Variants in APBA1 observed in about 807,000 individuals in gnomAD.
APBA1 encodes amyloid-beta A4 precursor protein-binding family A member 1.
APBA1 carries 55 observed loss-of-function variants against 86.6 expected under a neutral mutation model. The ratio of observed to expected loss-of-function variants is 0.64; its 90% CI spans 0.51 to 0.80. The LOEUF (loss-of-function observed/expected upper bound fraction) is 0.80. Ranked by LOEUF, APBA1 falls within the 30% of genes least tolerant of loss-of-function variation. The pLI, the probability that APBA1 is intolerant of heterozygous loss-of-function variation, is 0.00. For missense variants in APBA1, 1,090 were observed against 1,183.0 expected (o/e 0.92, Z 1.15); for synonymous variants, 511 against 493.9 (o/e 1.03, Z -0.46).
chr9:69,652,328 T>A (rs574719778), intron 1 of APBA1, among the ~76,000 whole-genome samples: 39 of 152,262 alleles, frequency 2.6e-4, no homozygotes, highest in African/African-American at 8.7e-4. Flanking sequence ...TATCTGACTC[T>A]CGCTGGGAGA....
chr9:69,636,951 G>T (rs1021550350), intron 1 of APBA1, among the ~76,000 whole-genome samples: 86 of 149,542 alleles, frequency 5.8e-4, no homozygotes, highest in African/African-American at 2.0e-3. Context: ...AAGAAAGAAA[G>T]AAAGAAAGAA....
chr9:69,625,154 A>G (rs1361900182), intron 1 of APBA1, among the ~76,000 whole-genome samples: 2 of 152,166 alleles, frequency 1.3e-5, no homozygotes, highest in Non-Finnish European at 2.9e-5. Flanking sequence ...ATTGGCCACA[A>G]AAGCCTGTAC....
In APBA1 at chr9:69,467,816, T is replaced by A; in HGVS notation, c.1482+7A>T. ...CTGTCCCTGTTGGAGCACCCAGATG[T>A]CCTCACCTTGATCCTGCTTACGGCT... On this transcript the variant is annotated splice_region_variant and intron_variant, in intron 5 of 12. Coordinates refer to ENST00000265381, the MANE Select transcript of APBA1 (RefSeq NM_001163.4). 1 of 1,614,172 alleles carries A rather than the reference T, an allele frequency of 6.2e-7. No homozygotes were observed. Among genetic ancestry groups the A allele is most frequent in the Non-Finnish European group, 8.5e-7 (1 of 1,180,002 alleles).
At chr9:69,524,087 G>A (rs1037647864) in intron 1 of APBA1, among the ~76,000 whole-genome samples, 24 of 152,140 alleles carry the variant, frequency 1.6e-4, no homozygotes, top group Non-Finnish European at 1.5e-4. Context: ...CAAAAGCAGT[G>A]TTAAAAGGAG....
At chr9:69,603,003 T>G (rs1181356004) in intron 1 of APBA1, among the ~76,000 whole-genome samples, 1 of 152,238 alleles carries the variant, frequency 6.6e-6, no homozygotes, top group Admixed American at 6.5e-5. Flanking sequence ...TTTTCCCCTT[T>G]CTTTCCTTCT....
intron 1 of APBA1, among the ~76,000 whole-genome samples, chr9:69,606,977 C>T (rs1822489270): frequency 6.6e-6 from 1 of 152,080 alleles, no homozygotes; most frequent in South Asian, 2.1e-4. Context: ...ATCATATTGT[C>T]CCATTTATTT....
rs770180947 is a variant in APBA1, at chr9:69,658,286, C to CTTTCTTTCTTTTTCTTTCTT, written c.-70+13866_-70+13867insAAGAAAGAAAAAGAAAGAAA. 1.8e-4 allele frequency among the ~76,000 whole-genome samples: 13 copies of CTTTCTTTCTTTTTCTTTCTT among 74,244 alleles called. 1 individual carries two copies. The highest frequency in any genetic ancestry group is 1.1e-3 in the East Asian group (3 of 2,656). The allele number at this position is 74,244 out of a possible 152,430, so 48.7% of individuals were successfully genotyped here. ...TTTCTTTCTTTCTTTCTTTCTTTCT[C>CTTTCTTTCTTTTTCTTTCTT]TCTCTCTTTCTCTCTCTCTCTTTCT... On this transcript the variant is annotated intron_variant, in intron 1 of 12. Coordinates refer to ENST00000265381, the MANE Select transcript of APBA1 (RefSeq NM_001163.4).
In APBA1 at chr9:69,569,465, G is replaced by A. The variant is rs946074887; in HGVS notation, c.-69-52186C>T. Among the ~76,000 whole-genome samples the A allele has an allele frequency of 9.3e-3, 1,395 of 150,690 alleles. 22 individuals are homozygous for A. The highest frequency in any genetic ancestry group is 0.033 in the African/African-American group (1,317 of 40,366). ...CACGTGTGAGTGTGTGTGTGTGTGT[G>A]TGTGTGTGTGTGTGTGTGTGTGTGT... On this transcript the variant is annotated intron_variant, in intron 1 of 12. Transcript: ENST00000265381.
chr9:69,611,316 C>A lies in APBA1; in HGVS notation c.-70+60837G>T, dbSNP rs1448096588. ...AAAAAAAAAAAAAACAAAAAAAAAA[C>A]CCAAACCGGCTAAAATGCTTCCCTG... On this transcript the variant is annotated intron_variant, in intron 1 of 12. Transcript: ENST00000265381. Among the ~76,000 whole-genome samples, 890 of 130,918 alleles carry A rather than the reference C, an allele frequency of 6.8e-3. 5 individuals are homozygous for A. The highest frequency in any genetic ancestry group is 0.012 in the Non-Finnish European group (691 of 59,066). The allele number at this position is 130,918 out of a possible 152,430, so 85.9% of individuals were successfully genotyped here.
At chr9:69,558,563 T>C (rs201533713) in intron 1 of APBA1, among the ~76,000 whole-genome samples, 9,844 of 74,484 alleles carry the variant, frequency 0.13, 316 homozygotes, top group Non-Finnish European at 0.15. Context: ...CACACACACA[T>C]ATATATATAT....
intron 1 of APBA1, among the ~76,000 whole-genome samples, chr9:69,535,370 C>T (rs1219854190): frequency 6.6e-6 from 1 of 152,216 alleles, no homozygotes; most frequent in East Asian, 1.9e-4. Flanking sequence ...AATGATAAGC[C>T]TGGTACTAAC....
At chr9:69,572,956 G>A (rs1399568915) in intron 1 of APBA1, among the ~76,000 whole-genome samples, 1 of 152,110 alleles carries the variant, frequency 6.6e-6, no homozygotes, top group Non-Finnish European at 1.5e-5. Context: ...GGGGTGGGGA[G>A]AGGTATTTAT....
At chr9:69,600,530 T>C (rs1418467468) in intron 1 of APBA1, among the ~76,000 whole-genome samples, 2 of 152,068 alleles carry the variant, frequency 1.3e-5, no homozygotes, top group African/African-American at 4.8e-5. Context: ...TGGCTGGGTG[T>C]GGTGGCTCAC....
chr9:69,659,258 A>G (rs772956378), intron 1 of APBA1, among the ~76,000 whole-genome samples: 16 of 152,214 alleles, frequency 1.1e-4, no homozygotes, highest in Non-Finnish European at 2.4e-4. Flanking sequence ...TGATCAACAT[A>G]AACAAAAAGA....
At chr9:69,587,275 G>A (rs1822040343) in intron 1 of APBA1, among the ~76,000 whole-genome samples, 1 of 152,184 alleles carries the variant, frequency 6.6e-6, no homozygotes, top group African/African-American at 2.4e-5. Flanking sequence ...GTTCTGTGAT[G>A]GGCAGGTGCC....
At chr9:69,659,110 A>G (rs2134024418) in intron 1 of APBA1, among the ~76,000 whole-genome samples, 1 of 152,300 alleles carries the variant, frequency 6.6e-6, no homozygotes. Context: ...TCTGCTTCTG[A>G]GGATTCTGAC....
chr9:69,544,964 T>C (rs898339709), intron 1 of APBA1, among the ~76,000 whole-genome samples: 1 of 152,224 alleles, frequency 6.6e-6, no homozygotes, highest in Non-Finnish European at 1.5e-5. Context: ...CTGTTCAGCT[T>C]ATCAGAGTTC....
At chr9:69,435,075 GAGAATGATGGTTTCT>G (rs780599082) in intron 11 of APBA1, among the ~76,000 whole-genome samples, 7 of 151,468 alleles carry the variant, frequency 4.6e-5, no homozygotes, top group Non-Finnish European at 7.4e-5. Flanking sequence ...ATAGTTTTCT[GAGAATGATGGTTTCT>G]AGCTTCATCC....
At chr9:69,455,825 CAAAGGGAAACG>C (rs1835086006) in intron 8 of APBA1, among the ~76,000 whole-genome samples, 1 of 152,152 alleles carries the variant, frequency 6.6e-6, no homozygotes, top group African/African-American at 2.4e-5. Flanking sequence ...TTCCCTTCCT[CAAAGGGAAACG>C]CAGCTAGCCC....
Sources: allele counts gnomAD v4.1 joint callset (sites outside exome capture counted in the v4.1 genomes callset), GRCh38; gene constraint gnomAD v4.1.1; transcripts MANE v1.5; gene names NCBI Gene and HGNC (gene_info 2026-07-23, HGNC 2026-07-21).